AUTS2: variants seen among roughly 807,000 people sequenced by gnomAD.
AUTS2 encodes activator of transcription and developmental regulator AUTS2.
A neutral mutation model predicts 112.4 loss-of-function variants in AUTS2; 17 were observed. That is an observed-to-expected ratio of 0.15 (90% confidence interval 0.10 to 0.23). AUTS2 has a LOEUF of 0.23. AUTS2 is among the 10% of genes least tolerant of loss of function. The probability of loss-of-function intolerance (pLI) is 1.00; values close to 1 mark genes in which losing one functional copy is unlikely to be tolerated. For missense variants in AUTS2, 1,510 were observed against 1,701.6 expected, an observed-to-expected ratio of 0.89 and a Z score of 1.98; for synonymous variants, 751 against 702.7, an observed-to-expected ratio of 1.07 and a Z score of -1.09.
At chr7:70,392,211 A>G (rs900076898) in intron 4 of AUTS2, among the ~76,000 whole-genome samples, 20 of 152,142 alleles carry the variant, frequency 1.3e-4, no homozygotes, top group African/African-American at 4.3e-4. Context: ...TTTCTTGCCT[A>G]TCTTTATATT....
chr7:69,892,426 G>A (rs984431506), intron 1 of AUTS2, among the ~76,000 whole-genome samples: 2 of 152,018 alleles, frequency 1.3e-5, no homozygotes, highest in African/African-American at 4.8e-5. Flanking sequence ...TTACAGGTGT[G>A]AGCCATCACA....
At chr7:70,473,487 C>G (rs1402543200) in intron 5 of AUTS2, among the ~76,000 whole-genome samples, 1 of 152,074 alleles carries the variant, frequency 6.6e-6, no homozygotes, top group Non-Finnish European at 1.5e-5. Flanking sequence ...GAGCACAAAA[C>G]CAAGGGCATC....
intron 1 of AUTS2, among the ~76,000 whole-genome samples, chr7:69,888,540 G>GATAGATATATATATATATATATAT (rs1468555842): frequency 1.0e-5 from 1 of 99,256 alleles, no homozygotes; most frequent in African/African-American, 4.3e-5. Flanking sequence ...CAACATTGGG[G>GATAGATATATATATATATATATAT]ATATATATAT....
chr7:70,011,310 TTCCTCTCTCCTCTCCTC>T (rs1035246113), intron 2 of AUTS2, among the ~76,000 whole-genome samples: 4 of 122,314 alleles, frequency 3.3e-5, no homozygotes, highest in Non-Finnish European at 5.2e-5. Flanking sequence ...CTCCTCTCCT[TTCCTCTCTCCTCTCCTC>T]TCCTCTCCTC....
At chr7:70,331,052 G>T (rs1265389440) in intron 4 of AUTS2, among the ~76,000 whole-genome samples, 1 of 152,092 alleles carries the variant, frequency 6.6e-6, no homozygotes, top group Non-Finnish European at 1.5e-5. Context: ...TCAGGATGAT[G>T]CTGGCCTTAT....
intron 5 of AUTS2, among the ~76,000 whole-genome samples, chr7:70,619,951 C>T (rs554810693): frequency 6.6e-6 from 1 of 152,312 alleles, no homozygotes; most frequent in South Asian, 2.1e-4. Context: ...GGCTGGACAG[C>T]AGCTAAGACA....
intron 5 of AUTS2, among the ~76,000 whole-genome samples, chr7:70,670,491 C>G (rs1202392701): frequency 6.6e-6 from 1 of 152,156 alleles, no homozygotes; most frequent in Admixed American, 6.5e-5. Flanking sequence ...TAAGTTCTTG[C>G]CGTCGAGTTG....
chr7:69,851,958 A>G (rs981081533), intron 1 of AUTS2, among the ~76,000 whole-genome samples: 19 of 152,086 alleles, frequency 1.2e-4, no homozygotes, highest in Admixed American at 3.3e-4. Context: ...TTACTTTCTG[A>G]TATACCTTTT....
chr7:69,690,342 C>G (rs771539514), intron 1 of AUTS2, among the ~76,000 whole-genome samples: 3 of 152,198 alleles, frequency 2.0e-5, no homozygotes, highest in Non-Finnish European at 4.4e-5. Context: ...TAGGGTGTCA[C>G]TTTTCCAGCT....
intron 6 of AUTS2, among the ~76,000 whole-genome samples, chr7:70,751,542 G>T (rs1020992618): frequency 6.6e-6 from 1 of 152,182 alleles, no homozygotes; most frequent in Non-Finnish European, 1.5e-5. Context: ...CCTAAGGAAT[G>T]TGTGCTGTGG....
intron 5 of AUTS2, among the ~76,000 whole-genome samples, chr7:70,508,586 G>A (rs11983481): frequency 0.082 from 12,514 of 152,142 alleles, 609 homozygotes; most frequent in African/African-American, 0.13. Flanking sequence ...CTCCAACAAT[G>A]AAGACAGAAA....
intron 5 of AUTS2, among the ~76,000 whole-genome samples, chr7:70,452,844 C>T (rs2131085390): frequency 6.6e-6 from 1 of 152,248 alleles, no homozygotes; most frequent in Admixed American, 6.5e-5. Context: ...CAAAGACAGC[C>T]TTTATAATCT....
intron 1 of AUTS2, among the ~76,000 whole-genome samples, chr7:69,823,558 T>A (rs1161740606): frequency 1.3e-5 from 2 of 152,224 alleles, no homozygotes; most frequent in Non-Finnish European, 1.5e-5. Context: ...CTTTTCAGCT[T>A]ACTCGTTTGT....
chr7:69,858,247 T>G (rs575308225), intron 1 of AUTS2, among the ~76,000 whole-genome samples: 33 of 152,304 alleles, frequency 2.2e-4, no homozygotes, highest in Non-Finnish European at 1.3e-4. Context: ...AGCATAAGCT[T>G]TAGTTGCTGC....
chr7:70,602,582 T>C (rs910779601), intron 5 of AUTS2, among the ~76,000 whole-genome samples: 2 of 152,328 alleles, frequency 1.3e-5, no homozygotes, highest in South Asian at 4.1e-4. Context: ...CTGAGTCTCA[T>C]TGAAGAAAAG....
chr7:69,653,113 C>G (rs1175213563), intron 1 of AUTS2, among the ~76,000 whole-genome samples: 2 of 152,288 alleles, frequency 1.3e-5, no homozygotes, highest in African/African-American at 4.8e-5. Context: ...ACACTCTGAC[C>G]TTGGGACTTC....
chr7:70,110,643 A>G (rs552485268), intron 2 of AUTS2, among the ~76,000 whole-genome samples: 1 of 151,918 alleles, frequency 6.6e-6, no homozygotes, highest in Non-Finnish European at 1.5e-5. Context: ...AGTCGTTTTT[A>G]TTTTCTAAGC....
chr7:70,786,714 C>T (rs1264001578), intron 17 of AUTS2, among the ~76,000 whole-genome samples: 3 of 152,062 alleles, frequency 2.0e-5, no homozygotes, highest in East Asian at 1.9e-4. Context: ...CGTCACAGGT[C>T]GGTCTTTATT....
At chr7:69,894,448 A>G (rs1309907088) in intron 1 of AUTS2, among the ~76,000 whole-genome samples, 1 of 152,074 alleles carries the variant, frequency 6.6e-6, no homozygotes, top group Non-Finnish European at 1.5e-5. Flanking sequence ...TGACACATAT[A>G]TAGGAGCCCC....
Sources: gnomAD v4.1 joint callset for allele counts (sites outside exome capture counted in the v4.1 genomes callset) on GRCh38, gnomAD v4.1.1 for gene constraint, MANE v1.5 for transcripts, NCBI Gene and HGNC (gene_info 2026-07-23, HGNC 2026-07-21) for gene names.